The following DTD1 variants were observed in gnomAD, a reference collection of about 807,000 sequenced individuals.
DTD1 encodes D-aminoacyl-tRNA deacylase 1.
In DTD1, 13 loss-of-function variants were observed where a neutral mutation model predicts 25.6. That is an observed-to-expected ratio of 0.51 (90% CI 0.33 to 0.81). The LOEUF is 0.81. Ranked by LOEUF, DTD1 falls within the 30% of genes least tolerant of loss-of-function variation. The probability of loss-of-function intolerance (pLI) is 0.02; values close to 1 mark genes in which losing one functional copy is unlikely to be tolerated. For missense variants in DTD1, 193 were observed against 266.4 expected (o/e 0.72, Z 1.92); for synonymous variants, 110 against 103.6 (o/e 1.06, Z -0.37).
chr20:18,728,052 G>A (rs1159352730), intron 4 of DTD1, among the ~76,000 whole-genome samples: 1 of 152,188 alleles, frequency 6.6e-6, no homozygotes, highest in Non-Finnish European at 1.5e-5. Flanking sequence ...TGAGTGTGTG[G>A]GATAGGGGAT....
At chr20:18,708,552 C>T (rs2061145495) in intron 4 of DTD1, among the ~76,000 whole-genome samples, 1 of 150,142 alleles carries the variant, frequency 6.7e-6, no homozygotes, top group Non-Finnish European at 1.5e-5. Flanking sequence ...GATGGGGTTT[C>T]ACCGTGTTGG....
chr20:18,637,388 A>G (rs1447505890), intron 4 of DTD1, among the ~76,000 whole-genome samples: 1 of 152,190 alleles, frequency 6.6e-6, no homozygotes, highest in Admixed American at 6.5e-5. Context: ...ACAGCTCAAT[A>G]TGTTAGTGAC....
intron 4 of DTD1, among the ~76,000 whole-genome samples, chr20:18,740,986 C>T (rs185963131): frequency 9.2e-5 from 14 of 152,316 alleles, no homozygotes; most frequent in Admixed American, 7.8e-4. Context: ...TAACAAGCAG[C>T]TCTGTGTGGC....
intron 3 of DTD1, chr20:18,611,284 A>G (rs186065666): frequency 4.6e-5 from 7 of 152,332 alleles, no homozygotes; most frequent in Middle Eastern, 3.4e-3. Context: ...ACAGCCTCCA[A>G]TGAAACAAAA....
intron 4 of DTD1, among the ~76,000 whole-genome samples, chr20:18,726,366 C>T (rs995066469): frequency 2.0e-5 from 3 of 152,056 alleles, no homozygotes; most frequent in African/African-American, 7.2e-5. Context: ...GCCTCTGAGC[C>T]CCATGTTTAC....
chr20:18,664,896 C>T (rs2060925637), intron 4 of DTD1, among the ~76,000 whole-genome samples: 1 of 152,026 alleles, frequency 6.6e-6, no homozygotes, highest in Admixed American at 6.5e-5. Context: ...CCCATCTTCC[C>T]CCACCTCTTC....
At chr20:18,649,646 C>T (rs754784542) in intron 4 of DTD1, among the ~76,000 whole-genome samples, 9 of 152,126 alleles carry the variant, frequency 5.9e-5, no homozygotes, top group Non-Finnish European at 1.0e-4. Flanking sequence ...GTGTTCAAGG[C>T]AAGTTCTGGT....
chr20:18,615,164 C>T (rs2060704306), intron 3 of DTD1, among the ~76,000 whole-genome samples: 1 of 152,034 alleles, frequency 6.6e-6, no homozygotes, highest in African/African-American at 2.4e-5. Context: ...AGCAGTCTCA[C>T]AGCCTACCCC....
chr20:18,755,796 T>C (rs2061336850), intron 5 of DTD1, among the ~76,000 whole-genome samples: 1 of 152,172 alleles, frequency 6.6e-6, no homozygotes, highest in Non-Finnish European at 1.5e-5. Context: ...AGTAATGGGA[T>C]GGCTGGGTCA....
chr20:18,672,095 A>G (rs1178129985), intron 4 of DTD1, among the ~76,000 whole-genome samples: 3 of 152,110 alleles, frequency 2.0e-5, no homozygotes, highest in Non-Finnish European at 4.4e-5. Context: ...TTAGCCAGGT[A>G]TGGTGGTGCA....
chr20:18,722,951 C>CA (rs1400976019), intron 4 of DTD1, among the ~76,000 whole-genome samples: 5 of 151,928 alleles, frequency 3.3e-5, no homozygotes, highest in Non-Finnish European at 5.9e-5. Context: ...GGAAAAAAGA[C>CA]AAAAAAAGTC....
At chr20:18,599,993 A>G (rs148268073) in intron 3 of DTD1, among the ~76,000 whole-genome samples, 6 of 152,186 alleles carry the variant, frequency 3.9e-5, no homozygotes, top group African/African-American at 1.4e-4. Flanking sequence ...TGAATATTCA[A>G]TTTACAAATA....
At chr20:18,594,184 A>G (rs2060601198) in intron 2 of DTD1, among the ~76,000 whole-genome samples, 1 of 152,136 alleles carries the variant, frequency 6.6e-6, no homozygotes, top group Non-Finnish European at 1.5e-5. Flanking sequence ...AATGTCTACT[A>G]GCTCGCTGTG....
intron 3 of DTD1, among the ~76,000 whole-genome samples, chr20:18,598,388 T>C (rs964253540): frequency 6.6e-6 from 1 of 152,206 alleles, no homozygotes; most frequent in Non-Finnish European, 1.5e-5. Context: ...TGATGGACAT[T>C]TGGGTTGGTT....
intron 4 of DTD1, among the ~76,000 whole-genome samples, chr20:18,636,902 C>G (rs1217352621): frequency 6.6e-6 from 1 of 152,132 alleles, no homozygotes; most frequent in East Asian, 1.9e-4. Flanking sequence ...TGGCATCAAG[C>G]CACCCATGGT....
chr20:18,678,909 C>G (rs2060986269), intron 4 of DTD1: 1 of 152,238 alleles, frequency 6.6e-6, no homozygotes, highest in Non-Finnish European at 1.5e-5. Flanking sequence ...CAGGCCTTCT[C>G]CTCACTCTTC....
intron 4 of DTD1, among the ~76,000 whole-genome samples, chr20:18,700,490 G>A (rs2061099763): frequency 7.3e-6 from 1 of 137,356 alleles, no homozygotes; most frequent in South Asian, 2.3e-4. Context: ...AAATAGTGGT[G>A]ACCTTTTTTT....
intron 4 of DTD1, among the ~76,000 whole-genome samples, chr20:18,708,183 T>TTTATATATATA (rs2061134708): frequency 6.2e-5 from 5 of 81,146 alleles, no homozygotes; most frequent in Admixed American, 1.9e-4. Context: ...ATATATATAT[T>TTTATATATATA]TTATATATAT....
intron 2 of DTD1, among the ~76,000 whole-genome samples, chr20:18,595,569 C>T (rs900956466): frequency 1.3e-5 from 2 of 152,046 alleles, no homozygotes; most frequent in African/African-American, 2.4e-5. Context: ...CGTTCTCAGC[C>T]GAATTGTTCA....
Sources: allele counts gnomAD v4.1 joint callset (sites outside exome capture counted in the v4.1 genomes callset), GRCh38; gene constraint gnomAD v4.1.1; transcripts MANE v1.5; gene names NCBI Gene and HGNC (gene_info 2026-07-23, HGNC 2026-07-21).